Variants in SAMD5 observed in about 807,000 individuals in gnomAD.
SAMD5 encodes the protein sterile alpha motif domain containing 5.
A neutral mutation model predicts 11.3 loss-of-function variants in SAMD5; 13 were observed. The observed-to-expected ratio is 1.15, with a 90% CI of 0.75 to 1.83. The LOEUF (loss-of-function observed/expected upper bound fraction) is 1.83. Among genes scored for constraint, SAMD5 ranks in the 40% most tolerant of loss-of-function variants. The probability of loss-of-function intolerance (pLI) is 0.00; values close to 1 mark genes in which losing one functional copy is unlikely to be tolerated. For synonymous variants in SAMD5, 129 were observed against 111.3 expected (o/e 1.16, Z -1.00); for missense variants, 255 against 239.1 (o/e 1.07, Z -0.44).
At chr6:147,521,017 C>T (rs1788245459) in intron 1 of SAMD5, among the ~76,000 whole-genome samples, 1 of 152,110 alleles carries the variant, frequency 6.6e-6, no homozygotes, top group South Asian at 2.1e-4. Flanking sequence ...TTCCCATTCT[C>T]CTTCCCTCCT....
chr6:147,773,454 A>G, the SAMD5 span, among the ~76,000 whole-genome samples: 1 of 152,218 alleles, frequency 6.6e-6, no homozygotes, highest in Non-Finnish European at 1.5e-5. Context: ...GGCTGCTGTC[A>G]CAAAATGTGA....
the SAMD5 span, among the ~76,000 whole-genome samples, chr6:147,856,580 A>G: frequency 1.3e-5 from 2 of 152,144 alleles, no homozygotes; most frequent in African/African-American, 4.8e-5. Flanking sequence ...CTTACACTTG[A>G]TAGGAGACTC....
chr6:147,549,971 G>A (rs1276754042), intron 1 of SAMD5, among the ~76,000 whole-genome samples: 4 of 150,740 alleles, frequency 2.7e-5, no homozygotes, highest in South Asian at 4.3e-4. Context: ...TAGGCCATAC[G>A]AGATGGCTCA....
chr6:147,634,624 T>G (rs1377229877), intron 1 of SAMD5, among the ~76,000 whole-genome samples: 1 of 152,246 alleles, frequency 6.6e-6, no homozygotes, highest in African/African-American at 2.4e-5. Context: ...TTCGTTTTCT[T>G]GAAGCATTGA....
the SAMD5 span, among the ~76,000 whole-genome samples, chr6:147,890,520 C>T: frequency 5.9e-5 from 9 of 151,740 alleles, no homozygotes; most frequent in African/African-American, 9.7e-5. Context: ...CACCACGCCC[C>T]GCTAATTTTT....
the SAMD5 span, among the ~76,000 whole-genome samples, chr6:147,921,312 C>CACAA: frequency 6.6e-6 from 1 of 150,434 alleles, no homozygotes; most frequent in Non-Finnish European, 1.5e-5. Flanking sequence ...CACACACACA[C>CACAA]ACTTCAAAAC....
At chr6:147,888,195 T>C in the SAMD5 span, among the ~76,000 whole-genome samples, 19 of 152,286 alleles carry the variant, frequency 1.2e-4, no homozygotes, top group African/African-American at 3.6e-4. Context: ...ATCATGCTTT[T>C]GGCATTTTGT....
At chr6:147,941,379 C>T in the SAMD5 span, among the ~76,000 whole-genome samples, 2 of 152,162 alleles carry the variant, frequency 1.3e-5, no homozygotes, top group South Asian at 4.1e-4. Context: ...TGGCAGATTT[C>T]CCCTCTGGAG....
chr6:147,728,837 T>C (rs2128459838), intron 1 of SAMD5, among the ~76,000 whole-genome samples: 1 of 152,256 alleles, frequency 6.6e-6, no homozygotes, highest in Admixed American at 6.5e-5. Context: ...TACAAAGTAT[T>C]AGCTTTATAA....
chr6:147,782,386 A>G, the SAMD5 span, among the ~76,000 whole-genome samples: 1 of 152,198 alleles, frequency 6.6e-6, no homozygotes, highest in East Asian at 1.9e-4. Context: ...ATCTGCACAC[A>G]ATGGCAGCTT....
intron 1 of SAMD5, among the ~76,000 whole-genome samples, chr6:147,660,401 G>A (rs890283069): frequency 2.0e-5 from 3 of 152,128 alleles, no homozygotes; most frequent in Non-Finnish European, 4.4e-5. Context: ...TTGCCCTGCA[G>A]CCACCCTGCT....
intron 1 of SAMD5, among the ~76,000 whole-genome samples, chr6:147,735,435 C>A (rs1791782758): frequency 1.3e-5 from 2 of 152,138 alleles, no homozygotes; most frequent in African/African-American, 2.4e-5. Flanking sequence ...TCTGAGAACT[C>A]ATCTCAAAGC....
At chr6:147,769,809 G>A in the SAMD5 span, among the ~76,000 whole-genome samples, 2 of 152,172 alleles carry the variant, frequency 1.3e-5, no homozygotes, top group Non-Finnish European at 2.9e-5. Context: ...TGTTTTCTTG[G>A]TCTGTCTCAA....
intron 1 of SAMD5, among the ~76,000 whole-genome samples, chr6:147,519,041 C>T (rs987840798): frequency 3.3e-5 from 5 of 152,196 alleles, no homozygotes; most frequent in Non-Finnish European, 7.3e-5. Context: ...GTCTGATGCT[C>T]TCTAAAATCT....
the SAMD5 span, among the ~76,000 whole-genome samples, chr6:147,909,634 C>CTTTCTTTCT: frequency 7.2e-3 from 477 of 66,580 alleles, 40 homozygotes; most frequent in East Asian, 0.047. Context: ...CTTTCTTTCT[C>CTTTCTTTCT]TTTCTTGTCT....
chr6:147,540,883 C>T (rs963028197), intron 1 of SAMD5, among the ~76,000 whole-genome samples: 2 of 146,032 alleles, frequency 1.4e-5, no homozygotes, highest in Non-Finnish European at 3.0e-5. Flanking sequence ...AATGGAGTGG[C>T]TTCTGATGAC....
the SAMD5 span, among the ~76,000 whole-genome samples, chr6:147,907,048 C>T: frequency 6.6e-6 from 1 of 152,198 alleles, no homozygotes; most frequent in Admixed American, 6.5e-5. Flanking sequence ...CCTTTTGCCT[C>T]AACACTGGGC....
At chr6:147,841,267 T>C in the SAMD5 span, among the ~76,000 whole-genome samples, 1 of 152,178 alleles carries the variant, frequency 6.6e-6, no homozygotes, top group Non-Finnish European at 1.5e-5. Context: ...TAAGGTTAGA[T>C]TATCCAGATT....
At chr6:147,614,648 A>G (rs1789839223) in intron 1 of SAMD5, among the ~76,000 whole-genome samples, 1 of 151,940 alleles carries the variant, frequency 6.6e-6, no homozygotes, top group South Asian at 2.1e-4. Flanking sequence ...AGGAAGCTGG[A>G]AAGTGGTTAC....
Sources: gnomAD v4.1 joint callset for allele counts (sites outside exome capture counted in the v4.1 genomes callset) on GRCh38, gnomAD v4.1.1 for gene constraint, MANE v1.5 for transcripts, NCBI Gene and HGNC (gene_info 2026-07-23, HGNC 2026-07-21) for gene names.